MARK1: variants seen among roughly 807,000 people sequenced by gnomAD.
MARK1 encodes microtubule affinity regulating kinase 1.
MARK1 carries 40 observed loss-of-function variants against 96.3 expected under a neutral mutation model. The observed-to-expected ratio is 0.42, with a 90% CI of 0.32 to 0.54. MARK1 has a LOEUF of 0.54. Ranked by LOEUF, MARK1 falls within the 20% of genes least tolerant of loss-of-function variation. The pLI is 0.16. For synonymous variants in MARK1, 317 were observed against 341.2 expected, an observed-to-expected ratio of 0.93 and a Z score of 0.78; for missense variants, 719 against 984.6, an observed-to-expected ratio of 0.73 and a Z score of 3.61.
intron 3 of MARK1, among the ~76,000 whole-genome samples, chr1:220,583,700 G>T (rs1396739514): frequency 6.6e-6 from 1 of 150,950 alleles, no homozygotes; most frequent in Non-Finnish European, 1.5e-5. Flanking sequence ...CCAGGCTGGA[G>T]TGCAGTGGCG....
At chr1:220,619,496 A>G (rs917143118) in intron 9 of MARK1, among the ~76,000 whole-genome samples, 4 of 152,170 alleles carry the variant, frequency 2.6e-5, no homozygotes, top group African/African-American at 7.2e-5. Flanking sequence ...TAAAATAAAA[A>G]TGTAATAGAA....
At chr1:220,560,039 TGGCAGAA>T (rs1374240593) in intron 1 of MARK1, among the ~76,000 whole-genome samples, 1 of 152,082 alleles carries the variant, frequency 6.6e-6, no homozygotes, top group Non-Finnish European at 1.5e-5. Context: ...CTCACAATCA[TGGCAGAA>T]GGCAAAAGGT....
At chr1:220,594,042 G>A (rs912742384) in intron 3 of MARK1, among the ~76,000 whole-genome samples, 1 of 152,166 alleles carries the variant, frequency 6.6e-6, no homozygotes, top group Non-Finnish European at 1.5e-5. Flanking sequence ...GACTGCCCAC[G>A]GTAAGGACCC....
chr1:220,558,556 C>T (rs1662451672), intron 1 of MARK1, among the ~76,000 whole-genome samples: 1 of 151,698 alleles, frequency 6.6e-6, no homozygotes, highest in South Asian at 2.1e-4. Flanking sequence ...TCTGACATAT[C>T]AATATTAATA....
chr1:220,542,893 G>A lies in MARK1; in HGVS notation c.51+14020G>A, dbSNP rs75954490. Among the ~76,000 whole-genome samples, 1,161 of 152,156 alleles carry A rather than the reference G, an allele frequency of 7.6e-3. 14 individuals are homozygous for A. Among genetic ancestry groups the A allele is most frequent in the African/African-American group, 0.025 (1,050 of 41,498 alleles). ...TCTTCAGAAATTTACATACTTATGGGATTTCCATACTTATGTTCCATACTT... is the reference window on the plus strand; with the variant it reads ...TCTTCAGAAATTTACATACTTATGGAATTTCCATACTTATGTTCCATACTT... On this transcript the variant is annotated intron_variant, in intron 1 of 17. Coordinates refer to ENST00000366917, the MANE Select transcript of MARK1 (RefSeq NM_018650.5).
chr1:220,622,319 G>T (rs1050207032), intron 9 of MARK1, among the ~76,000 whole-genome samples: 25 of 152,158 alleles, frequency 1.6e-4, no homozygotes, highest in African/African-American at 6.0e-4. Context: ...ATTTGAGCCT[G>T]AAGCAAAGCT....
intron 6 of MARK1, among the ~76,000 whole-genome samples, chr1:220,613,843 C>T (rs1572176952): frequency 6.6e-6 from 1 of 152,192 alleles, no homozygotes; most frequent in African/African-American, 2.4e-5. Flanking sequence ...TCTAGTGGTT[C>T]TGCAGTACCT....
chr1:220,620,226 GAGTTAATGCTT>G (rs1572186601), intron 9 of MARK1, among the ~76,000 whole-genome samples: 1 of 152,232 alleles, frequency 6.6e-6, no homozygotes, highest in East Asian at 1.9e-4. Context: ...TAAAAAAAAT[GAGTTAATGCTT>G]TAATAGAGAA....
rs139226378 is a variant in MARK1 at position 220,599,185 on chromosome 1, G to A, written c.359-613G>A. Among the ~76,000 whole-genome samples, 104 of 152,122 alleles carry A rather than the reference G, an allele frequency of 6.8e-4. 1 individual carries two copies. The highest frequency in any genetic ancestry group is 5.8e-3 in the East Asian group (30 of 5,182). ...GATTTCTCCCCCTTTGCAAATAAAC[G>A]TATTGATTAGATATATTATTATATG... On this transcript the variant is annotated intron_variant, in intron 4 of 17. Transcript: ENST00000366917.
At chr1:220,565,746 A>G (rs1365918620) in intron 1 of MARK1, among the ~76,000 whole-genome samples, 2 of 152,160 alleles carry the variant, frequency 1.3e-5, no homozygotes, top group Non-Finnish European at 2.9e-5. Flanking sequence ...AATTCCCATC[A>G]GATTTTTGAT....
At chr1:220,568,696 G>T (rs995934456) in intron 1 of MARK1, among the ~76,000 whole-genome samples, 1 of 152,094 alleles carries the variant, frequency 6.6e-6, no homozygotes, top group Non-Finnish European at 1.5e-5. Flanking sequence ...TCTGTGTCTT[G>T]TGTAACCTTC....
chr1:220,568,735 G>A (rs1663232629), intron 1 of MARK1, among the ~76,000 whole-genome samples: 1 of 152,120 alleles, frequency 6.6e-6, no homozygotes, highest in African/African-American at 2.4e-5. Context: ...ATTGAAGCAT[G>A]TGCATGGAGG....
At chr1:220,560,247 G>A (rs945949516) in intron 1 of MARK1, among the ~76,000 whole-genome samples, 1 of 152,132 alleles carries the variant, frequency 6.6e-6, no homozygotes, top group African/African-American at 2.4e-5. Context: ...CTCCAATTCA[G>A]GATGAGATTT....
intron 3 of MARK1, among the ~76,000 whole-genome samples, chr1:220,583,239 G>A (rs1664363989): frequency 6.6e-6 from 1 of 152,098 alleles, no homozygotes; most frequent in South Asian, 2.1e-4. Flanking sequence ...AAGTGTTTGG[G>A]TAAATTTGTT....
chr1:220,534,731 G>A (rs964445850), intron 1 of MARK1, among the ~76,000 whole-genome samples: 5 of 152,022 alleles, frequency 3.3e-5, no homozygotes, highest in African/African-American at 4.8e-5. Context: ...CTGCTTTGAT[G>A]AGTTTGACTA....
intron 6 of MARK1, among the ~76,000 whole-genome samples, chr1:220,610,879 G>T (rs952145929): frequency 4.6e-5 from 7 of 152,202 alleles, no homozygotes; most frequent in Non-Finnish European, 1.0e-4. Flanking sequence ...GGTATCACCA[G>T]TGGAGGCTGC....
intron 3 of MARK1, among the ~76,000 whole-genome samples, chr1:220,597,965 CAT>C (rs1328193494): frequency 2.6e-5 from 4 of 152,128 alleles, no homozygotes; most frequent in Non-Finnish European, 4.4e-5. Context: ...GGGTAAAAAT[CAT>C]ATGAAGGAGC....
chr1:220,539,296 C>T (rs1376099929), intron 1 of MARK1, among the ~76,000 whole-genome samples: 1 of 152,134 alleles, frequency 6.6e-6, no homozygotes, highest in Non-Finnish European at 1.5e-5. Flanking sequence ...TGAATTTTGT[C>T]AAAGGCCTTT....
chr1:220,629,436 G>C (rs1199767841), intron 9 of MARK1, among the ~76,000 whole-genome samples: 1 of 150,546 alleles, frequency 6.6e-6, no homozygotes, highest in African/African-American at 2.4e-5. Flanking sequence ...GTGTATCACA[G>C]TGTCGTTAAC....
Sources: allele counts gnomAD v4.1 joint callset (sites outside exome capture counted in the v4.1 genomes callset), GRCh38; gene constraint gnomAD v4.1.1; transcripts MANE v1.5; gene names NCBI Gene and HGNC (gene_info 2026-07-23, HGNC 2026-07-21).